The following ZC2HC1A variants were observed in gnomAD, a reference collection of about 807,000 sequenced individuals.
ZC2HC1A encodes the protein zinc finger C2HC domain-containing protein 1A.
A neutral mutation model predicts 40.7 loss-of-function variants in ZC2HC1A; 28 were observed. The observed-to-expected ratio is 0.69, with a 90% confidence interval of 0.51 to 0.94. The LOEUF is 0.94. ZC2HC1A is among the 40% of genes least tolerant of loss of function. The pLI is 0.00. For missense variants in ZC2HC1A, 389 were observed against 386.3 expected, an observed-to-expected ratio of 1.01 and a Z score of -0.06; for synonymous variants, 129 against 129.2, an observed-to-expected ratio of 1.00 and a Z score of 0.01.
Position 78,699,649 on chromosome 8 carries a change from G to A in ZC2HC1A, c.704+1136G>A, listed in dbSNP as rs143868247. Among the ~76,000 whole-genome samples the A allele has an allele frequency of 2.9e-3, 439 of 152,052 alleles. 1 individual carries two copies. The highest frequency in any genetic ancestry group is 7.8e-3 in the Admixed American group (119 of 15,260). On this transcript the variant is annotated intron_variant, in intron 7 of 8. Coordinates refer to ENST00000263849, the MANE Select transcript of ZC2HC1A (RefSeq NM_016010.3). ...TCCACCCTCCAAAAGACTCCAGTAC[G>A]TGTTGTTCCCCTCTATGTGTCCATG...
chr8:78,698,832 C>G (rs1366089567), intron 7 of ZC2HC1A, among the ~76,000 whole-genome samples: 1 of 152,102 alleles, frequency 6.6e-6, no homozygotes, highest in East Asian at 1.9e-4. Flanking sequence ...CACTATGTAT[C>G]AGGCACTGTG....
intron 1 of ZC2HC1A, among the ~76,000 whole-genome samples, chr8:78,670,688 A>G (rs532358958): frequency 1.3e-5 from 2 of 152,304 alleles, no homozygotes; most frequent in African/African-American, 4.8e-5. Context: ...TCAAGATAGT[A>G]ACTTAGAGAA....
chr8:78,675,837 G>A lies in ZC2HC1A; in HGVS notation c.67G>A (p.Gly23Arg). The change falls in exon 2 of 9, where the codon GGA (glycine) becomes AGA (arginine). Residue 23 changes from glycine to arginine, a missense_variant. Gly to Arg is a moderately radical substitution (Grantham distance 125, BLOSUM62 -2). Transcript: ENST00000263849. ...VGELLPCKIC[G>R]RTFFPVALKK... ...AGAATTGTTACCTTGCAAGATTTGTGGAAGAACATTCTTTCCAGTAGCATT... is the reference window on the plus strand; with the variant it reads ...AGAATTGTTACCTTGCAAGATTTGTAGAAGAACATTCTTTCCAGTAGCATT... The A allele has an allele frequency of 6.2e-7, 1 of 1,611,132 alleles. No homozygotes were observed. Among genetic ancestry groups the A allele is most frequent in the Non-Finnish European group, 8.5e-7 (1 of 1,178,190 alleles).
chr8:78,680,282 G>C (rs1251904782), intron 3 of ZC2HC1A, among the ~76,000 whole-genome samples: 1 of 87,940 alleles, frequency 1.1e-5, no homozygotes, highest in East Asian at 3.1e-4. Context: ...GCGAGACTCC[G>C]TCTCAAAAAA....
chr8:78,679,696 T>A (rs2130449235), intron 3 of ZC2HC1A, among the ~76,000 whole-genome samples: 1 of 152,294 alleles, frequency 6.6e-6, no homozygotes, highest in South Asian at 2.1e-4. Flanking sequence ...ATAGGTTTTT[T>A]AAACAGAATC....
intron 1 of ZC2HC1A, among the ~76,000 whole-genome samples, chr8:78,669,854 G>A (rs901569866): frequency 1.3e-5 from 2 of 151,482 alleles, no homozygotes; most frequent in South Asian, 2.1e-4. Context: ...CAGAGTATTT[G>A]TTTTTTATCA....
chr8:78,690,986 T>G (rs1810193237), intron 5 of ZC2HC1A, among the ~76,000 whole-genome samples: 1 of 152,200 alleles, frequency 6.6e-6, no homozygotes, highest in African/African-American at 2.4e-5. Context: ...TGTAGATTTC[T>G]TAGGACTTTT....
chr8:78,670,080 C>T (rs1427801719), intron 1 of ZC2HC1A, among the ~76,000 whole-genome samples: 2 of 151,058 alleles, frequency 1.3e-5, no homozygotes, highest in Non-Finnish European at 2.9e-5. Context: ...CGATTCTCCT[C>T]CCTCAGCCTC....
At chr8:78,689,636 A>G (rs1237755290) in intron 5 of ZC2HC1A, among the ~76,000 whole-genome samples, 2 of 151,866 alleles carry the variant, frequency 1.3e-5, no homozygotes, top group African/African-American at 4.8e-5. Context: ...TTGTATATAT[A>G]AAATATATAA....
intron 3 of ZC2HC1A, 27 bp downstream of exon 3, chr8:78,678,706 T>A: frequency 6.7e-7 from 1 of 1,503,758 alleles, no homozygotes; most frequent in Non-Finnish European, 9.0e-7. Context: ...TTGAACAGTA[T>A]GAACTTTGGT....
intron 7 of ZC2HC1A, among the ~76,000 whole-genome samples, chr8:78,707,794 G>A (rs139947327): frequency 6.4e-4 from 97 of 151,408 alleles, no homozygotes; most frequent in African/African-American, 2.2e-3. Flanking sequence ...TTGTGTTACT[G>A]TATTAAATTA....
intron 1 of ZC2HC1A, among the ~76,000 whole-genome samples, chr8:78,672,952 G>A (rs1176917028): frequency 1.3e-5 from 2 of 151,798 alleles, no homozygotes; most frequent in Non-Finnish European, 2.9e-5. Context: ...GAACGTGCAG[G>A]CTTGTTATAC....
At chr8:78,686,192 A>G (rs1253057684) in intron 3 of ZC2HC1A, among the ~76,000 whole-genome samples, 1 of 152,170 alleles carries the variant, frequency 6.6e-6, no homozygotes, top group African/African-American at 2.4e-5. Flanking sequence ...AACCACAGCA[A>G]CAGTCTTAGT....
At chr8:78,692,713 T>C (rs900990843) in intron 5 of ZC2HC1A, among the ~76,000 whole-genome samples, 2 of 152,070 alleles carry the variant, frequency 1.3e-5, no homozygotes, top group Admixed American at 6.6e-5. Context: ...CCCTCCAACA[T>C]TGAGCTTCTA....
chr8:78,678,129 T>C (rs540471279), intron 2 of ZC2HC1A, among the ~76,000 whole-genome samples: 2 of 152,248 alleles, frequency 1.3e-5, no homozygotes, highest in South Asian at 4.1e-4. Flanking sequence ...AGAAAGGTCT[T>C]TATGATCTGT....
chr8:78,709,447 T>C (rs1226282352), intron 7 of ZC2HC1A, among the ~76,000 whole-genome samples: 3 of 152,202 alleles, frequency 2.0e-5, no homozygotes, highest in Non-Finnish European at 4.4e-5. Context: ...CTAGAAATGC[T>C]TGTGATAACC....
chr8:78,698,153 A>G (rs577798710), intron 6 of ZC2HC1A, among the ~76,000 whole-genome samples: 14 of 152,292 alleles, frequency 9.2e-5, no homozygotes, highest in African/African-American at 2.6e-4. Flanking sequence ...GTAGTAGTCA[A>G]ACACTTAATA....
chr8:78,666,831 T>C (rs1809314358), intron 1 of ZC2HC1A, among the ~76,000 whole-genome samples: 1 of 152,196 alleles, frequency 6.6e-6, no homozygotes, highest in Non-Finnish European at 1.5e-5. Context: ...ACTGTAACCA[T>C]GACTCCAGAT....
intron 1 of ZC2HC1A, among the ~76,000 whole-genome samples, chr8:78,667,194 C>T (rs997099997): frequency 6.6e-6 from 1 of 152,126 alleles, no homozygotes; most frequent in African/African-American, 2.4e-5. Flanking sequence ...CTTTTTCAGT[C>T]ACCTATTCAC....
Sources: gnomAD v4.1 joint callset for allele counts (sites outside exome capture counted in the v4.1 genomes callset) on GRCh38, gnomAD v4.1.1 for gene constraint, MANE v1.5 for transcripts, NCBI Gene and HGNC (gene_info 2026-07-23, HGNC 2026-07-21) for gene names.